ZPBP: variants seen among roughly 807,000 people sequenced by gnomAD.
ZPBP encodes zona pellucida binding protein.
Under a neutral mutation model 44.8 loss-of-function variants are expected in ZPBP, and 26 were observed. The observed-to-expected ratio is 0.58, with a 90% CI of 0.43 to 0.81. ZPBP has a LOEUF of 0.81. Among genes scored for constraint, ZPBP ranks in the 30% least tolerant of loss-of-function variants. The pLI, the probability that ZPBP is intolerant of heterozygous loss-of-function variation, is 0.00. For synonymous variants in ZPBP, 174 were observed against 153.2 expected (o/e 1.14, Z -1.00); for missense variants, 409 against 434.0 (o/e 0.94, Z 0.51).
At chr7:49,859,812 A>G (rs1583695912) in intron 2 of ZPBP, among the ~76,000 whole-genome samples, 3 of 147,510 alleles carry the variant, frequency 2.0e-5, no homozygotes, top group East Asian at 1.9e-4. Context: ...ACACACACAC[A>G]CACACACACA....
At chr7:49,986,931 G>A (rs1012452990) in intron 6 of ZPBP, among the ~76,000 whole-genome samples, 6 of 152,264 alleles carry the variant, frequency 3.9e-5, no homozygotes, top group South Asian at 2.1e-4. Context: ...GGCAAACTTC[G>A]CTGCAGGCCT....
At chr7:49,926,918 G>A (rs1023489024) in intron 1 of ZPBP, among the ~76,000 whole-genome samples, 9 of 152,268 alleles carry the variant, frequency 5.9e-5, no homozygotes, top group African/African-American at 9.6e-5. Context: ...TCACATAGCC[G>A]GGAAAGACTG....
chr7:49,877,481 A>AAAAAATATACATATAT lies in ZPBP; in HGVS notation n.509+23636_509+23637insATATATGTATATTTTT. On this transcript the variant is annotated intron_variant and non_coding_transcript_variant, in intron 2 of 2. Transcript: ENST00000465922. ...CTGTCTCAAAAAAAAAAAAAAAAAA[A>AAAAAATATACATATAT]ATATATATATATATATATATATATA... Among the ~76,000 whole-genome samples, 56 of 12,726 alleles carry AAAAAATATACATATAT rather than the reference A, an allele frequency of 4.4e-3. 18 individuals are homozygous for AAAAAATATACATATAT. The highest frequency in any genetic ancestry group is 0.05 in the Middle Eastern group (1 of 20). The allele number at this position is 12,726 out of a possible 152,430, so 8.3% of individuals were successfully genotyped here.
intron 6 of ZPBP, among the ~76,000 whole-genome samples, chr7:50,013,374 C>A (rs1372938876): frequency 6.6e-6 from 1 of 151,862 alleles, no homozygotes; most frequent in Non-Finnish European, 1.5e-5. Flanking sequence ...TGAAGGAGAC[C>A]ACCATGTAAT....
At chr7:49,941,508 C>A (rs1583880913) in intron 7 of ZPBP, among the ~76,000 whole-genome samples, 1 of 151,928 alleles carries the variant, frequency 6.6e-6, no homozygotes, top group Non-Finnish European at 1.5e-5. Flanking sequence ...TAACAATAAA[C>A]AATCCAAAAG....
rs879572280 is a variant in ZPBP, at chr7:49,969,810, T to TAGAGAGAG, written c.961+13531_961+13532insCTCTCTCT. 2.7e-5 allele frequency among the ~76,000 whole-genome samples: 3 copies of TAGAGAGAG among 113,092 alleles called. No homozygotes were observed. The East Asian group carries it at 1.3e-3, about 50-fold the overall frequency. The allele number at this position is 113,092 out of a possible 152,430, so 74.2% of individuals were successfully genotyped here. A position where few individuals can be genotyped will look rare whatever the true frequency, so the allele number is the denominator to read the frequency against. On this transcript the variant is annotated intron_variant, in intron 7 of 7. Coordinates refer to ENST00000046087, the MANE Select transcript of ZPBP (RefSeq NM_007009.3). ...AAGTTTATGTTAATAAATGTATATA[T>TAGAGAGAG]ATATATATAGAGAGAGAGAGAGAGA...
intron 7 of ZPBP, among the ~76,000 whole-genome samples, chr7:49,981,612 T>TATCTTGATATAAAATA (rs1478196193): frequency 1.5e-4 from 3 of 20,374 alleles, no homozygotes; most frequent in Non-Finnish European, 2.5e-4. Context: ...AATTATATAA[T>TATCTTGATATAAAATA]TATATTATAT....
intron 2 of ZPBP, 67 bp downstream of exon 2, chr7:50,089,562 G>A (rs1335966152): frequency 3.4e-6 from 4 of 1,183,400 alleles, no homozygotes; most frequent in South Asian, 1.3e-5. Context: ...GCCTTTTGGA[G>A]AAGACTGATA....
At chr7:49,974,142 GGGCTAAT>G (rs1306324722) in intron 7 of ZPBP, among the ~76,000 whole-genome samples, 1 of 152,050 alleles carries the variant, frequency 6.6e-6, no homozygotes, top group Non-Finnish European at 1.5e-5. Flanking sequence ...ATGAAGGGAA[GGGCTAAT>G]GGAGTTATTG....
intron 1 of ZPBP, among the ~76,000 whole-genome samples, chr7:49,909,796 G>A (rs1583816778): frequency 6.6e-6 from 1 of 152,170 alleles, no homozygotes; most frequent in South Asian, 2.1e-4. Context: ...TGTCTGAACA[G>A]GGGACAAGAA....
At chr7:49,857,627 A>G (rs142658938) in intron 2 of ZPBP, among the ~76,000 whole-genome samples, 2 of 152,298 alleles carry the variant, frequency 1.3e-5, no homozygotes, top group East Asian at 3.9e-4. Flanking sequence ...CAAAATGGCT[A>G]TTAACAAAAA....
intron 4 of ZPBP, among the ~76,000 whole-genome samples, chr7:50,037,005 G>GA (rs1375579354): frequency 6.6e-6 from 1 of 151,814 alleles, no homozygotes; most frequent in South Asian, 2.1e-4. Context: ...AATATATAAA[G>GA]AAAAAACAAA....
chr7:50,026,517 T>C (rs1799341178), intron 5 of ZPBP, among the ~76,000 whole-genome samples: 1 of 151,920 alleles, frequency 6.6e-6, no homozygotes, highest in Non-Finnish European at 1.5e-5. Context: ...GAAGACCATA[T>C]GTGTAACCAC....
intron 2 of ZPBP, among the ~76,000 whole-genome samples, chr7:49,856,821 A>G (rs2128718588): frequency 6.6e-6 from 1 of 152,070 alleles, no homozygotes; most frequent in East Asian, 1.9e-4. Flanking sequence ...CATCCTGGCT[A>G]ACACGGTGAA....
At chr7:50,078,451 C>T (rs1290016799) in intron 3 of ZPBP, among the ~76,000 whole-genome samples, 1 of 151,484 alleles carries the variant, frequency 6.6e-6, no homozygotes, top group Non-Finnish European at 1.5e-5. Flanking sequence ...ATACCCCATT[C>T]TCCATGATGT....
At chr7:49,980,818 A>G (rs569357527) in intron 7 of ZPBP, among the ~76,000 whole-genome samples, 5 of 152,074 alleles carry the variant, frequency 3.3e-5, no homozygotes, top group Non-Finnish European at 5.9e-5. Context: ...ATTTTGTGGG[A>G]ACAAACAAAC....
At chr7:49,922,543 G>A (rs1298108153) in intron 1 of ZPBP, among the ~76,000 whole-genome samples, 1 of 152,148 alleles carries the variant, frequency 6.6e-6, no homozygotes, top group Non-Finnish European at 1.5e-5. Context: ...TAAATACTTA[G>A]GAAAACCTAC....
intron 7 of ZPBP, among the ~76,000 whole-genome samples, chr7:49,970,595 A>G (rs773238276): frequency 6.0e-5 from 9 of 149,920 alleles, no homozygotes; most frequent in Admixed American, 1.4e-4. Flanking sequence ...AAATACTGAA[A>G]TCATACAAAG....
intron 1 of ZPBP, chr7:49,913,011 G>A (rs1793537953): frequency 6.6e-6 from 1 of 152,154 alleles, no homozygotes; most frequent in East Asian, 1.9e-4. Flanking sequence ...ACAAAATAGG[G>A]GAGGAGTCCT....
Sources: gnomAD v4.1 joint callset for allele counts (sites outside exome capture counted in the v4.1 genomes callset) on GRCh38, gnomAD v4.1.1 for gene constraint, MANE v1.5 for transcripts, NCBI Gene and HGNC (gene_info 2026-07-23, HGNC 2026-07-21) for gene names.